The following ROBO2 variants were observed in gnomAD, a reference collection of about 807,000 sequenced individuals.
ROBO2 encodes the protein roundabout homolog 2.
Under a neutral mutation model 160.8 loss-of-function variants are expected in ROBO2, and 53 were observed. The ratio of observed to expected loss-of-function variants is 0.33; its 90% CI spans 0.26 to 0.41. The LOEUF is 0.41. ROBO2 is among the 10% of genes least tolerant of loss of function. The pLI is 1.00. For synonymous variants in ROBO2, 664 were observed against 611.7 expected, an observed-to-expected ratio of 1.09 and a Z score of -1.26; for missense variants, 1,577 against 1,722.4, an observed-to-expected ratio of 0.92 and a Z score of 1.49.
At chr3:76,328,570 C>T (rs1576457393) in intron 2 of ROBO2, among the ~76,000 whole-genome samples, 1 of 151,870 alleles carries the variant, frequency 6.6e-6, no homozygotes, top group East Asian at 1.9e-4. Flanking sequence ...ACTAAACATA[C>T]AAAAAATTAT....
chr3:76,896,458 C>T (rs1200448837), intron 2 of ROBO2, among the ~76,000 whole-genome samples: 1 of 151,876 alleles, frequency 6.6e-6, no homozygotes, highest in Non-Finnish European at 1.5e-5. Context: ...AAAGAATATA[C>T]AAATATTAGC....
Position 76,471,019 on chromosome 3 carries a change from A to G in ROBO2, c.109+533417A>G, listed in dbSNP as rs187420278. Among the ~76,000 whole-genome samples the G allele has an allele frequency of 1.2e-3, 190 of 152,230 alleles. 1 individual carries two copies. The highest frequency in any genetic ancestry group is 3.4e-3 in the Admixed American group (52 of 15,262). On this transcript the variant is annotated intron_variant, in intron 2 of 26. Transcript: ENST00000487694. ...GTTTTGTATTTGTTTTTTATTTGCT[A>G]GGTTTTTCTAACTTTATTCATTCTT...
At chr3:77,407,179 A>G (rs1294716048) in intron 2 of ROBO2, among the ~76,000 whole-genome samples, 1 of 152,076 alleles carries the variant, frequency 6.6e-6, no homozygotes, top group Non-Finnish European at 1.5e-5. Flanking sequence ...AGGAATGGAC[A>G]GTATTCACAT....
At chr3:76,348,206 CCA>C (rs1383694887) in intron 2 of ROBO2, among the ~76,000 whole-genome samples, 3 of 151,516 alleles carry the variant, frequency 2.0e-5, no homozygotes, top group African/African-American at 7.2e-5. Context: ...CCACAGTCTC[CCA>C]CAGTCAGTAT....
intron 2 of ROBO2, among the ~76,000 whole-genome samples, chr3:77,220,766 T>C (rs532986372): frequency 6.6e-6 from 1 of 152,232 alleles, no homozygotes; most frequent in East Asian, 1.9e-4. Flanking sequence ...ATCTCTTTTA[T>C]CATTTAGACG....
chr3:76,415,811 A>G (rs1347814388), intron 2 of ROBO2, among the ~76,000 whole-genome samples: 4 of 152,222 alleles, frequency 2.6e-5, no homozygotes, highest in African/African-American at 4.8e-5. Flanking sequence ...AAATCAGACA[A>G]TAAGGAGTTA....
chr3:76,833,556 A>C (rs1576924282), intron 2 of ROBO2, among the ~76,000 whole-genome samples: 1 of 152,202 alleles, frequency 6.6e-6, no homozygotes, highest in East Asian at 1.9e-4. Context: ...GAATACTTCT[A>C]AAGAGATATC....
chr3:76,905,656 G>C (rs2075552884), intron 2 of ROBO2, among the ~76,000 whole-genome samples: 1 of 152,024 alleles, frequency 6.6e-6, no homozygotes, highest in African/African-American at 2.4e-5. Flanking sequence ...TTTCCACCAG[G>C]ATACTGCCAT....
At chr3:76,465,317 CATTTT>C (rs1435153298) in intron 2 of ROBO2, among the ~76,000 whole-genome samples, 4 of 151,960 alleles carry the variant, frequency 2.6e-5, no homozygotes, top group Non-Finnish European at 5.9e-5. Context: ...GTACATTTCA[CATTTT>C]ATTATTTGAC....
chr3:76,750,784 T>G (rs927883799), intron 2 of ROBO2, among the ~76,000 whole-genome samples: 2 of 151,940 alleles, frequency 1.3e-5, no homozygotes, highest in African/African-American at 2.4e-5. Context: ...TACTGCTCAA[T>G]GAAATAAAAG....
chr3:77,035,162 A>C (rs2063553387), upstream of ROBO2, among the ~76,000 whole-genome samples: 1 of 151,918 alleles, frequency 6.6e-6, no homozygotes, highest in Non-Finnish European at 1.5e-5. Context: ...TTGCTGCCAA[A>C]GAACTCCTTT....
At chr3:76,398,421 C>T (rs1001956420) in intron 2 of ROBO2, among the ~76,000 whole-genome samples, 3 of 151,814 alleles carry the variant, frequency 2.0e-5, no homozygotes, top group Non-Finnish European at 4.4e-5. Context: ...CACATGTATA[C>T]ATATGTAACT....
At chr3:76,898,205 A>G (rs2074958432) in intron 2 of ROBO2, among the ~76,000 whole-genome samples, 1 of 152,106 alleles carries the variant, frequency 6.6e-6, no homozygotes, top group African/African-American at 2.4e-5. Context: ...CACTTCCATA[A>G]AAGTTTATTT....
chr3:76,502,680 A>G (rs1449195114), intron 2 of ROBO2, among the ~76,000 whole-genome samples: 2 of 152,212 alleles, frequency 1.3e-5, no homozygotes, highest in African/African-American at 4.8e-5. Flanking sequence ...CATCATGAAG[A>G]ATGGGATATC....
chr3:76,504,519 CTTTTTTTTTTTTTTTTT>C (rs57591523), intron 2 of ROBO2, among the ~76,000 whole-genome samples: 1 of 73,522 alleles, frequency 1.4e-5, no homozygotes, highest in Non-Finnish European at 2.4e-5. Context: ...AGAAAATACT[CTTTTTTTTTTTTTTTTT>C]TTTTTTTTTT....
At chr3:76,794,247 G>A (rs1033960547) in intron 2 of ROBO2, among the ~76,000 whole-genome samples, 10 of 151,846 alleles carry the variant, frequency 6.6e-5, no homozygotes, top group Middle Eastern at 3.2e-3. Flanking sequence ...ATATATTTAC[G>A]TTCTGGAAAT....
intron 2 of ROBO2, among the ~76,000 whole-genome samples, chr3:76,283,674 T>C (rs1350935742): frequency 6.6e-6 from 1 of 152,018 alleles, no homozygotes; most frequent in Non-Finnish European, 1.5e-5. Context: ...CTGAAGGATA[T>C]GCAGTTCACT....
rs529626664 is a variant in ROBO2 at position 76,969,021 on chromosome 3, T to A, written c.110-128993T>A. Reference sequence around the variant, plus strand: ...TATGTTTCCATCTAGGTAATGTGTGTCTTGATACTACTGCACTTGGAAACA... The same window carrying A: ...TATGTTTCCATCTAGGTAATGTGTGACTTGATACTACTGCACTTGGAAACA... On this transcript the variant is annotated intron_variant, in intron 2 of 26. Transcript: ENST00000487694. 5.9e-5 allele frequency among the ~76,000 whole-genome samples: 9 copies of A among 152,340 alleles called. No individual in the cohort carries two copies. The South Asian group carries it at 1.9e-3, about 32-fold the overall frequency.
chr3:76,595,205 T>C (rs951751318), intron 2 of ROBO2, among the ~76,000 whole-genome samples: 1 of 152,004 alleles, frequency 6.6e-6, no homozygotes, highest in African/African-American at 2.4e-5. Flanking sequence ...TATTCTGTCA[T>C]AGCAACCCAA....
Sources: gnomAD v4.1 joint callset for allele counts (sites outside exome capture counted in the v4.1 genomes callset) on GRCh38, gnomAD v4.1.1 for gene constraint, MANE v1.5 for transcripts, NCBI Gene and HGNC (gene_info 2026-07-23, HGNC 2026-07-21) for gene names.